Variants in ABL2 observed in about 807,000 individuals in gnomAD.
ABL2 encodes tyrosine-protein kinase ABL2.
In ABL2, 49 loss-of-function variants were observed where a neutral mutation model predicts 107.7. The ratio of observed to expected loss-of-function variants is 0.45; its 90% CI spans 0.36 to 0.58. The LOEUF is 0.58. ABL2 is among the 20% of genes least tolerant of loss of function. The probability of loss-of-function intolerance (pLI) is 0.00; values close to 1 mark genes in which losing one functional copy is unlikely to be tolerated. For missense variants in ABL2, 1,245 were observed against 1,457.0 expected, an observed-to-expected ratio of 0.85 and a Z score of 2.37; for synonymous variants, 549 against 548.6, an observed-to-expected ratio of 1.00 and a Z score of -0.01.
intron 1 of ABL2, chr1:179,201,773 T>C (rs980098518): frequency 3.4e-6 from 3 of 873,364 alleles, no homozygotes; most frequent in Admixed American, 1.9e-5. Flanking sequence ...GGGAAAATTA[T>C]ATCCACAGAA....
At chr1:179,227,102 T>G (rs1663259784) in intron 1 of ABL2, among the ~76,000 whole-genome samples, 1 of 152,200 alleles carries the variant, frequency 6.6e-6, no homozygotes, top group Non-Finnish European at 1.5e-5. Context: ...GGATATAAAC[T>G]TCTCTGCCAG....
Position 179,192,722 on chromosome 1 carries a change from A to G in ABL2, c.157+36519T>C, listed in dbSNP as rs1661088673. Among the ~76,000 whole-genome samples, 2 of 152,250 alleles carry G rather than the reference A, an allele frequency of 1.3e-5. 1 individual carries two copies. The highest frequency in any genetic ancestry group is 1.3e-4 in the Admixed American group (2 of 15,284). ...TGTACAATCACATCACATAGAAAAAATTTTAAAACTAGGTTAAGTAAATTA... is the reference window on the plus strand; with the variant it reads ...TGTACAATCACATCACATAGAAAAAGTTTTAAAACTAGGTTAAGTAAATTA... On this transcript the variant is annotated intron_variant, in intron 1 of 11. Transcript: ENST00000502732.
intron 1 of ABL2, among the ~76,000 whole-genome samples, chr1:179,172,944 C>CT (rs34404615): frequency 6.6e-6 from 1 of 152,156 alleles, no homozygotes; most frequent in Non-Finnish European, 1.5e-5. Context: ...AATCCCAGCA[C>CT]TTTGAGAGGC....
At chr1:179,222,080 G>T in intron 1 of ABL2, 2 of 189,566 alleles carry the variant, frequency 1.1e-5, no homozygotes, top group South Asian at 2.4e-4. Context: ...CCAAGGAGAT[G>T]ATCACTTTTT....
At chr1:179,178,418 A>AAAAAAAAAAAAAC (rs1660174829) in intron 1 of ABL2, among the ~76,000 whole-genome samples, 1 of 151,220 alleles carries the variant, frequency 6.6e-6, no homozygotes, top group Non-Finnish European at 1.5e-5. Flanking sequence ...AAAAAAAAAA[A>AAAAAAAAAAAAAC]AATTATTTGT....
rs559403053 is a variant in ABL2, at chr1:179,105,096, C to T, written c.*2622G>A. 2.8e-4 allele frequency: 65 copies of T among 230,334 alleles called. No individual in the cohort carries two copies. Among genetic ancestry groups the T allele is most frequent in the Non-Finnish European group, 4.9e-4 (57 of 116,248 alleles). The allele number at this position is 230,334 out of a possible 1,614,324, so 14.3% of individuals were successfully genotyped here. A position where few individuals can be genotyped will look rare whatever the true frequency, so the allele number is the denominator to read the frequency against. On this transcript the variant is annotated 3_prime_UTR_variant, in exon 12 of 12. Coordinates refer to ENST00000502732, the MANE Select transcript of ABL2 (RefSeq NM_007314.4). Reference sequence around the variant, plus strand: ...ACGGGGTATGCTCCAATAGTCAATGCCACTCTTGACAGTGTTGACAAAAAT... The same window carrying T: ...ACGGGGTATGCTCCAATAGTCAATGTCACTCTTGACAGTGTTGACAAAAAT...
chr1:179,184,523 A>G (rs1024118145), intron 1 of ABL2: 7 of 647,926 alleles, frequency 1.1e-5, no homozygotes, highest in Non-Finnish European at 1.9e-5. Flanking sequence ...CCATCCCATT[A>G]CAGTACTACT....
rs564236125 is a variant in ABL2 at position 179,190,856 on chromosome 1, T to C, written c.157+38385A>G. ...TTTCACAATATCACATAATGTTTCATTGTTATAAGAAATTCTGTCACCAAA... is the reference window on the plus strand; with the variant it reads ...TTTCACAATATCACATAATGTTTCACTGTTATAAGAAATTCTGTCACCAAA... On this transcript the variant is annotated intron_variant, in intron 1 of 11. Coordinates refer to ENST00000502732, the MANE Select transcript of ABL2 (RefSeq NM_007314.4). Among the ~76,000 whole-genome samples the C allele has an allele frequency of 2.6e-5, 4 of 152,328 alleles. No individual in the cohort carries two copies. In the East Asian group the frequency reaches 5.8e-4, roughly 22 times the overall value.
chr1:179,214,538 A>G (rs1438745842), intron 1 of ABL2, among the ~76,000 whole-genome samples: 2 of 146,508 alleles, frequency 1.4e-5, no homozygotes, highest in African/African-American at 2.5e-5. Context: ...ATATATATAT[A>G]TATATATATA....
chr1:179,109,495 A>G, intron 11 of ABL2, 54 bp from the exon 12 acceptor site: 2 of 1,545,906 alleles, frequency 1.3e-6, no homozygotes, highest in South Asian at 1.3e-5. Flanking sequence ...AATCTATTAC[A>G]TTTGAGTTAC....
chr1:179,116,588 G>A (rs146350681), intron 8 of ABL2, among the ~76,000 whole-genome samples: 7 of 148,888 alleles, frequency 4.7e-5, no homozygotes, highest in South Asian at 2.1e-4. Context: ...TCAGCTCACC[G>A]CAACCTCCAC....
chr1:179,172,862 T>C (rs1377118140), intron 1 of ABL2, among the ~76,000 whole-genome samples: 1 of 152,156 alleles, frequency 6.6e-6, no homozygotes, highest in East Asian at 1.9e-4. Context: ...AAAACATAGA[T>C]ACAGTAAGCC....
In ABL2 at chr1:179,126,578, G is replaced by A. The variant is rs763914840; in HGVS notation, c.486C>T (p.Ile162=). The A allele has an allele frequency of 9.3e-6, 15 of 1,614,158 alleles. No homozygotes were observed. Among genetic ancestry groups the A allele is most frequent in the Non-Finnish European group, 7.6e-6 (9 of 1,180,030 alleles). ...NGQGWVPSNY[I]TPVNSLEKHS... ...GTTTTTCCAGGCTGTTCACTGGGGT[G>A]ATGTAGTTGCTTGGCACCCAGCCCT... Residue 162 remains isoleucine (I), a synonymous_variant, in exon 4 of 12, where the codon ATC becomes ATT. Coordinates refer to ENST00000502732, the MANE Select transcript of ABL2 (RefSeq NM_007314.4). This position sits in a 1 kb window ranked among gnomAD's most constrained non-coding sequence, Gnocchi z 4.4.
rs1653030794 is a variant in ABL2 at position 179,100,817 on chromosome 1, C to T, written c.*6901G>A. 1 of 232,446 alleles carries T rather than the reference C, an allele frequency of 4.3e-6. No individual in the cohort carries two copies. The highest frequency in any genetic ancestry group is 2.2e-5 in the African/African-American group (1 of 45,298). The allele number at this position is 232,446 out of a possible 1,614,324, so 14.4% of individuals were successfully genotyped here. On this transcript the variant is annotated 3_prime_UTR_variant, in exon 12 of 12. Transcript: ENST00000502732. ...GTCTGAGGACAGTGCTGTGCCTGGC[C>T]TTTCCCCTTCAACACGCCAGCTGCT...
chr1:179,147,415 T>C (rs1424737298), intron 1 of ABL2, among the ~76,000 whole-genome samples: 1 of 152,166 alleles, frequency 6.6e-6, no homozygotes, highest in Non-Finnish European at 1.5e-5. Context: ...TTGCACTCCA[T>C]ATATTTATTG....
At chr1:179,174,655 T>C (rs1659928012) in intron 1 of ABL2, among the ~76,000 whole-genome samples, 1 of 151,530 alleles carries the variant, frequency 6.6e-6, no homozygotes, top group Non-Finnish European at 1.5e-5. Flanking sequence ...CTCCTCAAAT[T>C]TTCTACTGGG....
At chr1:179,133,509 T>C in intron 1 of ABL2, 135 bp from the exon 2 acceptor site, 1 of 1,384,398 alleles carries the variant, frequency 7.2e-7, no homozygotes, top group East Asian at 2.3e-5. Flanking sequence ...CAGCTTCGCC[T>C]CTCCCTACTC....
intron 1 of ABL2, among the ~76,000 whole-genome samples, chr1:179,199,476 TTC>T (rs986729169): frequency 6.6e-6 from 1 of 150,756 alleles, no homozygotes; most frequent in Non-Finnish European, 1.5e-5. Context: ...AAACTTTACC[TTC>T]TCTCTTTTTC....
chr1:179,156,325 C>T lies in ABL2; in HGVS notation c.158-22951G>A, dbSNP rs138223941. On this transcript the variant is annotated intron_variant, in intron 1 of 11. Transcript: ENST00000502732. ...CTTATTTCAGCAGCTACTGGCTACC[C>T]AAAGCAATAGAATTCTGATCCTCCA... 1.5e-3 allele frequency among the ~76,000 whole-genome samples: 224 copies of T among 152,226 alleles called. 1 individual carries two copies. Among genetic ancestry groups the T allele is most frequent in the African/African-American group, 5.1e-3 (213 of 41,522 alleles).
Sources: gnomAD v4.1 joint callset for allele counts (sites outside exome capture counted in the v4.1 genomes callset) on GRCh38, gnomAD v4.1.1 for gene constraint, Gnocchi (gnomAD v3.1) non-coding constraint, MANE v1.5 for transcripts, NCBI Gene and HGNC (gene_info 2026-07-23, HGNC 2026-07-21) for gene names.